The following ANTXR1 variants were observed in gnomAD, a reference collection of about 807,000 sequenced individuals.
ANTXR1 encodes anthrax toxin receptor 1.
A neutral mutation model predicts 78.1 loss-of-function variants in ANTXR1; 19 were observed. The ratio of observed to expected loss-of-function variants is 0.24; its 90% CI spans 0.17 to 0.36. ANTXR1 has a LOEUF of 0.36. ANTXR1 is among the 10% of genes least tolerant of loss of function. The pLI is 1.00. For synonymous variants in ANTXR1, 273 were observed against 260.5 expected (o/e 1.05, Z -0.46); for missense variants, 518 against 718.6 (o/e 0.72, Z 3.19).
At chr2:69,047,646 G>T (rs1039712468) in intron 3 of ANTXR1, among the ~76,000 whole-genome samples, 2 of 151,922 alleles carry the variant, frequency 1.3e-5, no homozygotes, top group Non-Finnish European at 2.9e-5. Flanking sequence ...AGTTGGGGGG[G>T]GAAATTCTGG....
intron 8 of ANTXR1, among the ~76,000 whole-genome samples, chr2:69,085,244 G>A (rs979396331): frequency 6.6e-6 from 1 of 152,116 alleles, no homozygotes; most frequent in African/African-American, 2.4e-5. Context: ...GGCCCCACCT[G>A]CCAACTACAG....
chr2:69,133,125 C>G (rs993517980), intron 12 of ANTXR1, among the ~76,000 whole-genome samples: 4 of 152,190 alleles, frequency 2.6e-5, no homozygotes, highest in South Asian at 2.1e-4. Context: ...CAAAGCGAAG[C>G]TGGACAGATT....
At chr2:69,061,518 A>C (rs551171946) in intron 3 of ANTXR1, among the ~76,000 whole-genome samples, 3 of 152,250 alleles carry the variant, frequency 2.0e-5, no homozygotes, top group Non-Finnish European at 2.9e-5. Context: ...AAAAAAAAAA[A>C]AAGCTGGTCA....
chr2:69,153,902 A>G (rs904092640), intron 13 of ANTXR1, among the ~76,000 whole-genome samples: 5 of 152,158 alleles, frequency 3.3e-5, no homozygotes, highest in East Asian at 1.9e-4. Context: ...CCTCTCTCTC[A>G]GTTTCCTCAT....
intron 17 of ANTXR1, among the ~76,000 whole-genome samples, chr2:69,201,891 A>G (rs1325717017): frequency 6.6e-6 from 1 of 152,180 alleles, no homozygotes; most frequent in Non-Finnish European, 1.5e-5. Context: ...ACCAGGGGGA[A>G]GCATGAAGGC....
intron 2 of ANTXR1, 100 bp downstream of exon 2, chr2:69,040,215 T>C: frequency 1.9e-6 from 2 of 1,068,942 alleles, no homozygotes; most frequent in Non-Finnish European, 2.8e-6. Context: ...TTTGGGGATG[T>C]TTTTTGACTA....
chr2:69,054,954 G>T (rs1049580413), intron 3 of ANTXR1, among the ~76,000 whole-genome samples: 2 of 152,098 alleles, frequency 1.3e-5, no homozygotes, highest in Admixed American at 6.5e-5. Context: ...ATATTATGTG[G>T]TCTGAGTCCA....
Position 69,153,304 on chromosome 2 carries a change from C to T in ANTXR1, c.1047+1040C>T, listed in dbSNP as rs544189202. 1.7e-3 allele frequency among the ~76,000 whole-genome samples: 265 copies of T among 152,140 alleles called. 3 individuals carry two copies. Among genetic ancestry groups the T allele is most frequent in the Non-Finnish European group, 2.9e-3 (199 of 67,986 alleles). On this transcript the variant is annotated intron_variant, in intron 13 of 17. Transcript: ENST00000303714. The stretch of plus-strand genomic sequence containing the variant: ...CATCTGTGTGTACAGCTCAACTGAA[C>T]CAAGACCACAGAGAGACAGAGCACT...
chr2:69,211,395 T>C (rs1424843679), intron 17 of ANTXR1, among the ~76,000 whole-genome samples: 2 of 152,224 alleles, frequency 1.3e-5, no homozygotes, highest in Non-Finnish European at 2.9e-5. Flanking sequence ...GTTGGGCACA[T>C]CTGTGTAGAC....
At chr2:69,182,910 G>A (rs954477122) in intron 16 of ANTXR1, 1 of 532,890 alleles carries the variant, frequency 1.9e-6, no homozygotes, top group Non-Finnish European at 3.3e-6. Flanking sequence ...AGTAAAACTG[G>A]AACAATATAG....
intron 17 of ANTXR1, among the ~76,000 whole-genome samples, chr2:69,239,057 G>A (rs960815060): frequency 6.6e-6 from 1 of 152,106 alleles, no homozygotes; most frequent in African/African-American, 2.4e-5. Flanking sequence ...GAAGTTGCAG[G>A]CAAGCTCAAA....
rs554909203 is a variant in ANTXR1 at position 69,165,542 on chromosome 2, G to A, written c.1048-4706G>A. Among the ~76,000 whole-genome samples the A allele has an allele frequency of 2.0e-5, 3 of 152,354 alleles. No homozygotes were observed. In the South Asian group the frequency reaches 6.2e-4, roughly 32 times the overall value. On this transcript the variant is annotated intron_variant, in intron 13 of 17. Transcript: ENST00000303714. ...GGAGACAAGAAAGATGAGGAGGGGA[G>A]ATGTGAAGTTGTGGTGGAGGATTTC...
At chr2:69,204,641 C>T (rs1357312656) in intron 17 of ANTXR1, among the ~76,000 whole-genome samples, 2 of 152,156 alleles carry the variant, frequency 1.3e-5, no homozygotes, top group Non-Finnish European at 2.9e-5. Context: ...CAGCTCGACA[C>T]TGCCTGGCTC....
At chr2:69,179,156 G>A (rs546176184) in intron 14 of ANTXR1, among the ~76,000 whole-genome samples, 3 of 152,256 alleles carry the variant, frequency 2.0e-5, no homozygotes, top group South Asian at 4.1e-4. Context: ...ACATCATAAG[G>A]TGAAAGAAAC....
intron 17 of ANTXR1, among the ~76,000 whole-genome samples, chr2:69,211,593 G>A (rs1032239620): frequency 5.3e-5 from 8 of 152,192 alleles, no homozygotes; most frequent in Non-Finnish European, 1.2e-4. Context: ...TGTTAAAGAG[G>A]GCTTTTTCTC....
intron 13 of ANTXR1, among the ~76,000 whole-genome samples, chr2:69,163,369 A>G (rs1673736571): frequency 6.6e-6 from 1 of 151,920 alleles, no homozygotes; most frequent in Non-Finnish European, 1.5e-5. Context: ...TGAAAGTACT[A>G]TTCTGCTGCT....
At chr2:69,185,860 G>T (rs79345707) in intron 16 of ANTXR1, among the ~76,000 whole-genome samples, 1 of 152,098 alleles carries the variant, frequency 6.6e-6, no homozygotes, top group Non-Finnish European at 1.5e-5. Flanking sequence ...AGAGCTCCTC[G>T]GCAGGACTCC....
intron 10 of ANTXR1, among the ~76,000 whole-genome samples, chr2:69,114,481 T>C (rs975898270): frequency 2.0e-5 from 3 of 152,218 alleles, no homozygotes; most frequent in East Asian, 1.9e-4. Context: ...AATGGACTCA[T>C]GGTCCCTCAC....
At chr2:69,056,358 T>G (rs1407564754) in intron 3 of ANTXR1, among the ~76,000 whole-genome samples, 1 of 152,192 alleles carries the variant, frequency 6.6e-6, no homozygotes, top group Non-Finnish European at 1.5e-5. Context: ...TTGTATTTAA[T>G]GCTGATTCTG....
Sources: gnomAD v4.1 joint callset for allele counts (sites outside exome capture counted in the v4.1 genomes callset) on GRCh38, gnomAD v4.1.1 for gene constraint, MANE v1.5 for transcripts, NCBI Gene and HGNC (gene_info 2026-07-23, HGNC 2026-07-21) for gene names.